LYPLAL1: variants seen among roughly 807,000 people sequenced by gnomAD.
LYPLAL1 encodes lysophospholipase like 1.
A neutral mutation model predicts 19.7 loss-of-function variants in LYPLAL1; 23 were observed. The observed-to-expected ratio is 1.17, with a 90% confidence interval of 0.84 to 1.65. The LOEUF is 1.65. Among genes scored for constraint, LYPLAL1 ranks in the 40% most tolerant of loss-of-function variants. The probability of loss-of-function intolerance (pLI) is 0.00; values close to 1 mark genes in which losing one functional copy is unlikely to be tolerated. For synonymous variants in LYPLAL1, 119 were observed against 96.3 expected (o/e 1.24, Z -1.38); for missense variants, 355 against 279.4 (o/e 1.27, Z -1.93).
the LYPLAL1 span, among the ~76,000 whole-genome samples, chr1:219,322,841 G>A: frequency 6.6e-6 from 1 of 152,148 alleles, no homozygotes; most frequent in Non-Finnish European, 1.5e-5. Context: ...TGCAGTAAAG[G>A]GAAATTAGAA....
At chr1:219,185,415 T>G (rs1379821116) in intron 2 of LYPLAL1, among the ~76,000 whole-genome samples, 1 of 151,958 alleles carries the variant, frequency 6.6e-6, no homozygotes, top group Non-Finnish European at 1.5e-5. Context: ...CTTATTTTCT[T>G]CTATTTACAT....
At chr1:219,194,618 A>G (rs1046887003) in intron 3 of LYPLAL1, among the ~76,000 whole-genome samples, 3 of 152,004 alleles carry the variant, frequency 2.0e-5, no homozygotes, top group Admixed American at 2.0e-4. Flanking sequence ...CAATGATAGT[A>G]TATATTTCTT....
chr1:219,238,075 C>G, the LYPLAL1 span, among the ~76,000 whole-genome samples: 1 of 151,244 alleles, frequency 6.6e-6, no homozygotes, highest in Admixed American at 6.6e-5. Flanking sequence ...CAAGTTCCAA[C>G]TGAGCAGTGC....
At chr1:219,362,059 G>A in the LYPLAL1 span, among the ~76,000 whole-genome samples, 7 of 152,006 alleles carry the variant, frequency 4.6e-5, no homozygotes, top group South Asian at 2.1e-4. Flanking sequence ...TCTCCTCTGC[G>A]TTTTGATAGA....
At chr1:219,356,397 G>GAATC in the LYPLAL1 span, among the ~76,000 whole-genome samples, 15 of 152,144 alleles carry the variant, frequency 9.9e-5, no homozygotes, top group African/African-American at 3.6e-4. Context: ...CTACTTGGGA[G>GAATC]GCTGAGGCAG....
chr1:219,372,377 C>T, the LYPLAL1 span, among the ~76,000 whole-genome samples: 3 of 152,144 alleles, frequency 2.0e-5, no homozygotes, highest in African/African-American at 7.2e-5. Flanking sequence ...CCTTAAAAAT[C>T]ATGTTCAGTT....
chr1:219,189,411 T>C (rs372882227), intron 2 of LYPLAL1, among the ~76,000 whole-genome samples: 19 of 151,766 alleles, frequency 1.3e-4, no homozygotes, highest in African/African-American at 4.6e-4. Context: ...TCATTTTGTC[T>C]GACAATGACT....
At chr1:219,311,686 T>G in the LYPLAL1 span, among the ~76,000 whole-genome samples, 1 of 152,184 alleles carries the variant, frequency 6.6e-6, no homozygotes, top group Non-Finnish European at 1.5e-5. Flanking sequence ...TTCTCATAGT[T>G]AAAGAAATGC....
chr1:219,299,140 C>CTTTTTT, the LYPLAL1 span, among the ~76,000 whole-genome samples: 1 of 129,494 alleles, frequency 7.7e-6, no homozygotes, highest in Non-Finnish European at 1.6e-5. Context: ...CCTCCCCCAG[C>CTTTTTT]TTTTTTTTTT....
At chr1:219,431,051 A>T in the LYPLAL1 span, among the ~76,000 whole-genome samples, 2 of 152,204 alleles carry the variant, frequency 1.3e-5, no homozygotes, top group African/African-American at 4.8e-5. Context: ...ATACTTAAAG[A>T]CACTAAACAT....
the LYPLAL1 span, among the ~76,000 whole-genome samples, chr1:219,230,274 G>A: frequency 3.3e-5 from 5 of 152,086 alleles, no homozygotes; most frequent in South Asian, 2.1e-4. Flanking sequence ...TACCACGCCC[G>A]GCTAATTTGT....
At chr1:219,199,149 C>T (rs1444957970) in intron 3 of LYPLAL1, among the ~76,000 whole-genome samples, 1 of 152,092 alleles carries the variant, frequency 6.6e-6, no homozygotes, top group Non-Finnish European at 1.5e-5. Context: ...GTTGGAGGTA[C>T]TAATATATGT....
At chr1:219,347,977 A>G in the LYPLAL1 span, among the ~76,000 whole-genome samples, 1 of 152,194 alleles carries the variant, frequency 6.6e-6, no homozygotes, top group Non-Finnish European at 1.5e-5. Flanking sequence ...AGAAAAAAAA[A>G]TAAAATAAGA....
At chr1:219,383,244 C>G in the LYPLAL1 span, among the ~76,000 whole-genome samples, 2 of 152,192 alleles carry the variant, frequency 1.3e-5, no homozygotes, top group African/African-American at 4.8e-5. Context: ...ACTTTATATT[C>G]TACTCAAAAC....
At chr1:219,442,237 T>A in the LYPLAL1 span, among the ~76,000 whole-genome samples, 9 of 152,210 alleles carry the variant, frequency 5.9e-5, no homozygotes, top group South Asian at 2.1e-4. Context: ...GTTTCTATGT[T>A]CTTTGTGTTT....
the LYPLAL1 span, among the ~76,000 whole-genome samples, chr1:219,280,628 G>A: frequency 1.3e-5 from 2 of 152,128 alleles, no homozygotes; most frequent in African/African-American, 2.4e-5. Flanking sequence ...ATTTCCATAA[G>A]CATCAAATCA....
chr1:219,283,910 C>T, the LYPLAL1 span, among the ~76,000 whole-genome samples: 1 of 152,138 alleles, frequency 6.6e-6, no homozygotes, highest in African/African-American at 2.4e-5. Flanking sequence ...GCATTTGAGA[C>T]TCAGAATGAA....
intron 3 of LYPLAL1, among the ~76,000 whole-genome samples, chr1:219,194,568 T>A (rs1272317289): frequency 6.6e-6 from 1 of 152,052 alleles, no homozygotes; most frequent in Non-Finnish European, 1.5e-5. Flanking sequence ...CAGGCTGTGA[T>A]GAGTGCTCTA....
chr1:219,352,473 G>T, the LYPLAL1 span, among the ~76,000 whole-genome samples: 1 of 152,092 alleles, frequency 6.6e-6, no homozygotes, highest in Non-Finnish European at 1.5e-5. Context: ...AGCCGAGATC[G>T]CGCCACTGCA....
Sources: allele counts gnomAD v4.1 joint callset (sites outside exome capture counted in the v4.1 genomes callset), GRCh38; gene constraint gnomAD v4.1.1; transcripts MANE v1.5; gene names NCBI Gene and HGNC (gene_info 2026-07-23, HGNC 2026-07-21).